Variants in NOL8 observed in about 807,000 individuals in gnomAD.
NOL8 encodes nucleolar protein 8, also known as nucleolar protein Nop132.
NOL8 carries 93 observed loss-of-function variants against 116.1 expected under a neutral mutation model. The observed-to-expected ratio is 0.80, with a 90% CI of 0.68 to 0.95. The LOEUF (loss-of-function observed/expected upper bound fraction) is 0.95. NOL8 is among the 40% of genes least tolerant of loss of function. The probability of loss-of-function intolerance (pLI) is 0.00; values close to 1 mark genes in which losing one functional copy is unlikely to be tolerated. For missense variants in NOL8, 1,291 were observed against 1,382.8 expected (o/e 0.93, Z 1.05); for synonymous variants, 419 against 469.0 (o/e 0.89, Z 1.38).
chr9:92,305,722 T>A (rs775984074), intron 12 of NOL8, 31 bp downstream of exon 12: 1 of 1,395,850 alleles, frequency 7.2e-7, no homozygotes, highest in Admixed American at 1.7e-5. Flanking sequence ...ATTTACATGA[T>A]CCTATTGCTA....
At chr9:92,323,625 A>T in intron 2 of NOL8, 122 bp from the exon 3 acceptor site, 1 of 774,152 alleles carries the variant, frequency 1.3e-6, no homozygotes, top group East Asian at 2.8e-5. Context: ...ATTATTTCAA[A>T]GATAAACCTT....
At chr9:92,318,981 T>C in intron 5 of NOL8, 2 of 516,284 alleles carry the variant, frequency 3.9e-6, no homozygotes, top group Non-Finnish European at 6.6e-6. Flanking sequence ...TTGCTACCTA[T>C]GTCCCTTGAA....
intron 12 of NOL8, among the ~76,000 whole-genome samples, chr9:92,305,417 G>A (rs1373515549): frequency 2.0e-5 from 3 of 152,174 alleles, no homozygotes; most frequent in African/African-American, 7.2e-5. Context: ...CTAGGTTCCA[G>A]AACTGTAAAG....
intron 12 of NOL8, among the ~76,000 whole-genome samples, chr9:92,304,162 G>C (rs925321292): frequency 6.6e-6 from 1 of 152,220 alleles, no homozygotes; most frequent in Non-Finnish European, 1.5e-5. Flanking sequence ...CTTATGAAAA[G>C]AGAAGGATGA....
intron 2 of NOL8, among the ~76,000 whole-genome samples, 167 bp from the exon 3 acceptor site, chr9:92,323,670 C>T (rs1840131199): frequency 6.8e-6 from 1 of 147,994 alleles, no homozygotes; most frequent in South Asian, 2.1e-4. Context: ...GCATAATTAT[C>T]AAAATATTCC....
chr9:92,323,899 T>C (rs1840162163), intron 2 of NOL8, 124 bp downstream of exon 2: 19 of 1,078,112 alleles, frequency 1.8e-5, no homozygotes, highest in Non-Finnish European at 2.2e-5. Flanking sequence ...ACATTATACC[T>C]CCACAACATC....
intron 13 of NOL8, chr9:92,300,311 A>C: frequency 1.0e-6 from 1 of 1,000,974 alleles, no homozygotes. Context: ...AATTTTTAAA[A>C]ATGACACCTA....
At position 92,321,782 on chromosome 9, in the gene NOL8, T is replaced by C. The variant is rs546470513; in HGVS notation, c.203-36A>G. On this transcript the variant is annotated intron_variant, in intron 3 of 16. Coordinates refer to ENST00000442668, the MANE Select transcript of NOL8 (RefSeq NM_017948.6). The stretch of plus-strand genomic sequence containing the variant: ...AAGAATTATTACAAGTACATGGCAA[T>C]GTAAAAATATATTTCAGCTTGTGCT... 5 of 1,013,084 alleles carry C rather than the reference T, an allele frequency of 4.9e-6. No individual in the cohort carries two copies. The Admixed American group carries it at 9.6e-5, about 19-fold the overall frequency. The allele number at this position is 1,013,084 out of a possible 1,614,324, so 62.8% of individuals were successfully genotyped here. A position where few individuals can be genotyped will look rare whatever the true frequency, so the allele number is the denominator to read the frequency against.
At chr9:92,325,165 AG>A (rs1428944967) in intron 1 of NOL8, 140 bp downstream of exon 1, 3 of 152,172 alleles carry the variant, frequency 2.0e-5, no homozygotes, top group Non-Finnish European at 4.4e-5. Context: ...TATTCTGGGC[AG>A]AACTTCGGCC....
In NOL8 at chr9:92,324,215, T is replaced by A. The variant is rs1414420236; in HGVS notation, c.-48-6A>T. On this transcript the variant is annotated splice_region_variant and splice_polypyrimidine_tract_variant and intron_variant, in intron 1 of 16. Transcript: ENST00000442668. ...TCAGTGGGAAAAGTAATTTTCTGTA[T>A]ACAGAGAAGAGTTCTTTCCCTTAGT... is the stretch of plus-strand genomic sequence containing the variant. 5.8e-6 allele frequency: 9 copies of A among 1,557,452 alleles called. No homozygotes were observed. The highest frequency in any genetic ancestry group is 7.0e-6 in the Non-Finnish European group (8 of 1,147,804).
rs1564228094 is a variant in NOL8 at position 92,314,678 on chromosome 9, G to T, written c.1947C>A (p.Thr649=). 1 of 1,613,684 alleles carries T rather than the reference G, an allele frequency of 6.2e-7. No individual in the cohort carries two copies. The highest frequency in any genetic ancestry group is 8.5e-7 in the Non-Finnish European group (1 of 1,179,778). Residue 649 remains threonine (T), a synonymous_variant, in exon 7 of 17, where the codon ACC becomes ACA. Transcript: ENST00000442668. ...CCTTGCGATCCTGGCTTTCAAAAGT[G>T]GTCTGTCTTTTTTGAGGCTGAATAT... The part of the protein sequence containing the change: ...PNYIQPQKRQ[T]TFESQDRKAV...
intron 10 of NOL8, among the ~76,000 whole-genome samples, chr9:92,307,838 T>A (rs1295647657): frequency 6.6e-6 from 1 of 152,028 alleles, no homozygotes; most frequent in Non-Finnish European, 1.5e-5. Context: ...AAAGATAGAG[T>A]TGAATCCCTA....
Position 92,321,650 on chromosome 9 carries a change from A to G in NOL8, c.281+18T>C, listed in dbSNP as rs1369986126. On this transcript the variant is annotated intron_variant, in intron 4 of 16. Transcript: ENST00000442668. ...TATAAAAAAAATAGGGCTTAAATCCATGTGGAGCAAAACTTACCTGTGCAG... is the reference window on the plus strand; with the variant it reads ...TATAAAAAAAATAGGGCTTAAATCCGTGTGGAGCAAAACTTACCTGTGCAG... 1 of 1,466,554 alleles carries G rather than the reference A, an allele frequency of 6.8e-7. No individual in the cohort carries two copies. Among genetic ancestry groups the G allele is most frequent in the South Asian group, 1.3e-5 (1 of 75,270 alleles). The allele number at this position is 1,466,554 out of a possible 1,614,324, so 90.8% of individuals were successfully genotyped here. A position where few individuals can be genotyped will look rare whatever the true frequency, so the allele number is the denominator to read the frequency against.
In NOL8 at chr9:92,306,627, CTATT is replaced by C. The variant is rs552316206; in HGVS notation, c.2825+255_2825+258del. 1.4e-3 allele frequency among the ~76,000 whole-genome samples: 220 copies of C among 152,264 alleles called. 2 individuals are homozygous for C. Among genetic ancestry groups the C allele is most frequent in the Middle Eastern group, 0.014 (4 of 294 alleles). On this transcript the variant is annotated intron_variant, in intron 11 of 16. Coordinates refer to ENST00000442668, the MANE Select transcript of NOL8 (RefSeq NM_017948.6). ...GTTTATATAAATACTTTTACAGTTA[CTATT>C]TAAACTGTTTCCCATTTGTTTCACT...
At chr9:92,305,094 T>C (rs1838109146) in intron 12 of NOL8, among the ~76,000 whole-genome samples, 1 of 151,902 alleles carries the variant, frequency 6.6e-6, no homozygotes, top group East Asian at 1.9e-4. Context: ...AACCTGTGAA[T>C]GTTAACATTA....
rs776709911 is a variant in NOL8, at chr9:92,324,198, A to G, written c.-37T>C. 3 of 1,594,876 alleles carry G rather than the reference A, an allele frequency of 1.9e-6. No homozygotes were observed. Among genetic ancestry groups the G allele is most frequent in the African/African-American group, 2.7e-5 (2 of 74,020 alleles). Reference sequence around the variant, plus strand: ...ATATACTTGGGTGTGTTTCAGTGGGAAAAGTAATTTTCTGTATACAGAGAA... The same window carrying G: ...ATATACTTGGGTGTGTTTCAGTGGGGAAAGTAATTTTCTGTATACAGAGAA... On this transcript the variant is annotated 5_prime_UTR_variant, in exon 2 of 17. Transcript: ENST00000442668.
chr9:92,320,131 T>A (rs1192848305), intron 4 of NOL8: 1 of 456,018 alleles, frequency 2.2e-6, no homozygotes, highest in African/African-American at 2.0e-5. Flanking sequence ...TGATTATCCA[T>A]ATCCTCCTAA....
chr9:92,311,256 CA>C lies in NOL8; in HGVS notation c.2361del (p.Asp787GlufsTer37), dbSNP rs747526589. On this transcript the variant is annotated frameshift_variant and splice_region_variant, in exon 8 of 17. Transcript: ENST00000442668. LOFTEE classifies it high-confidence loss of function. ...KLVHNALANL[D>X]GHPEDKPTHI... ...TGCGTTGGCTTATCCTCTGGATGAC[CA>C]TCCTAGGGAGGCCATCGAAAGCATT... 5.0e-6 allele frequency: 8 copies of C among 1,610,614 alleles called. No individual in the cohort carries two copies. In the South Asian group the frequency reaches 8.8e-5, roughly 18 times the overall value.
At position 92,310,668 on chromosome 9, in the gene NOL8, A is replaced by G. The variant is rs1254882071; in HGVS notation, c.2480T>C (p.Met827Thr). The G allele has an allele frequency of 6.2e-7, 1 of 1,604,616 alleles. No individual in the cohort carries two copies. Among genetic ancestry groups the G allele is most frequent in the Non-Finnish European group, 8.5e-7 (1 of 1,177,150 alleles). ...AAACAGCTTCCCTGATGTTTTACCC[A>G]TAGACTCCTGTGAAGAAACACAACA... ...HPGEEWVKES[M>T]GKTSGKLFDS... Residue 827 changes from methionine (M) to threonine (T), a missense_variant, in exon 9 of 17, where the codon ATG (methionine) becomes ACG (threonine). Met to Thr is a moderately conservative substitution (Grantham distance 81). Transcript: ENST00000442668.
Sources: allele counts gnomAD v4.1 joint callset (sites outside exome capture counted in the v4.1 genomes callset), GRCh38; gene constraint gnomAD v4.1.1; transcripts MANE v1.5; gene names NCBI Gene and HGNC (gene_info 2026-07-23, HGNC 2026-07-21).